CCNY: variants seen among roughly 807,000 people sequenced by gnomAD.
The protein encoded by CCNY is cyclin Y.
In CCNY, 19 loss-of-function variants were observed where a neutral mutation model predicts 42.8. That is an observed-to-expected ratio of 0.44 (90% confidence interval 0.31 to 0.65). CCNY has a LOEUF of 0.65. Ranked by LOEUF, CCNY falls within the 30% of genes least tolerant of loss-of-function variation. The probability of loss-of-function intolerance (pLI) is 0.07; values close to 1 mark genes in which losing one functional copy is unlikely to be tolerated. For missense variants in CCNY, 370 were observed against 437.3 expected, an observed-to-expected ratio of 0.85 and a Z score of 1.37; for synonymous variants, 165 against 162.7, an observed-to-expected ratio of 1.01 and a Z score of -0.11.
At chr10:35,369,279 C>G (rs976329873) in intron 1 of CCNY, among the ~76,000 whole-genome samples, 1 of 152,220 alleles carries the variant, frequency 6.6e-6, no homozygotes, top group African/African-American at 2.4e-5. Flanking sequence ...TGAGGTCCCA[C>G]TTGTGACCTT....
intron 3 of CCNY, among the ~76,000 whole-genome samples, chr10:35,279,569 G>A (rs962853905): frequency 9.2e-5 from 14 of 152,318 alleles, no homozygotes; most frequent in African/African-American, 2.9e-4. Flanking sequence ...TCCAAGTAGA[G>A]AAAAGCAAGA....
chr10:35,561,947 T>G (rs1841474688), intron 8 of CCNY, among the ~76,000 whole-genome samples: 1 of 152,306 alleles, frequency 6.6e-6, no homozygotes, highest in South Asian at 2.1e-4. Context: ...TGTGGGAAGA[T>G]GGGGCCAAGG....
intron 1 of CCNY, among the ~76,000 whole-genome samples, chr10:35,369,448 C>G (rs2076182400): frequency 6.6e-6 from 1 of 152,198 alleles, no homozygotes; most frequent in African/African-American, 2.4e-5. Context: ...TTTGTAATCC[C>G]TGAGAACTTG....
chr10:35,450,074 C>G (rs989500056), intron 1 of CCNY, among the ~76,000 whole-genome samples: 3 of 151,910 alleles, frequency 2.0e-5, no homozygotes, highest in Non-Finnish European at 4.4e-5. Flanking sequence ...CGTGAGAGCA[C>G]CAGGGAGCCA....
chr10:35,553,061 T>G lies in CCNY; in HGVS notation c.622T>G (p.Cys208Gly). The G allele has an allele frequency of 6.2e-7, 1 of 1,614,216 alleles. No homozygotes were observed. The highest frequency in any genetic ancestry group is 1.3e-5 in the African/African-American group (1 of 75,056). ...TTTAACATACGCAGAGATAGATATC[T>G]GTCCGGCCAACTGGAAGCGGATTGT... The part of the protein sequence containing the change: ...RLLTYAEIDI[C>G]PANWKRIVLG... Residue 208 changes from cysteine (C) to glycine (G), a missense_variant, in exon 8 of 10, where the codon TGT (cysteine) becomes GGT (glycine). Physicochemically the swap from Cys to Gly is radical, Grantham distance 159 (BLOSUM62 -3). Transcript: ENST00000374704.
chr10:35,472,109 A>G (rs1589142692), intron 1 of CCNY, among the ~76,000 whole-genome samples: 2 of 152,310 alleles, frequency 1.3e-5, no homozygotes, highest in South Asian at 4.1e-4. Flanking sequence ...AATGTTTTTA[A>G]TACCCATTAT....
intron 1 of CCNY, among the ~76,000 whole-genome samples, chr10:35,421,066 A>G (rs919462102): frequency 3.9e-5 from 6 of 152,194 alleles, no homozygotes; most frequent in South Asian, 2.1e-4. Flanking sequence ...GTGTGCACCT[A>G]TGCCAGTGCC....
intron 3 of CCNY, among the ~76,000 whole-genome samples, chr10:35,310,047 G>A (rs1238379445): frequency 1.1e-4 from 16 of 152,046 alleles, no homozygotes; most frequent in African/African-American, 2.4e-4. Context: ...TGATCCGCCC[G>A]CCTCAGCCTC....
At chr10:35,422,621 TAGTC>T (rs1203613111) in intron 1 of CCNY, among the ~76,000 whole-genome samples, 5 of 152,274 alleles carry the variant, frequency 3.3e-5, no homozygotes, top group African/African-American at 4.8e-5. Flanking sequence ...TGTTTACATT[TAGTC>T]AGTTAATTCT....
intron 3 of CCNY, among the ~76,000 whole-genome samples, chr10:35,319,850 T>C (rs1208639633): frequency 1.3e-5 from 2 of 152,032 alleles, no homozygotes; most frequent in Admixed American, 6.6e-5. Context: ...CTTGGGAGGT[T>C]GAGGCAGGAG....
chr10:35,462,395 T>C (rs1455662364), intron 1 of CCNY, among the ~76,000 whole-genome samples: 4 of 152,212 alleles, frequency 2.6e-5, no homozygotes, highest in African/African-American at 9.6e-5. Flanking sequence ...ACTTAGCATC[T>C]CTGCATCTTC....
intron 3 of CCNY, among the ~76,000 whole-genome samples, chr10:35,294,854 G>A (rs1402551473): frequency 6.6e-6 from 1 of 152,226 alleles, no homozygotes; most frequent in African/African-American, 2.4e-5. Context: ...GAATTCACAA[G>A]TGAAGTTACC....
intron 2 of CCNY, among the ~76,000 whole-genome samples, chr10:35,250,343 C>T (rs2095711026): frequency 6.6e-6 from 1 of 151,938 alleles, no homozygotes; most frequent in Non-Finnish European, 1.5e-5. Flanking sequence ...CCAGCCTGGG[C>T]AATAGAATGA....
At chr10:35,294,692 A>T (rs745727063) in intron 3 of CCNY, among the ~76,000 whole-genome samples, 7 of 152,108 alleles carry the variant, frequency 4.6e-5, no homozygotes, top group Non-Finnish European at 1.0e-4. Context: ...TTACATCTAT[A>T]CTCCACAGAT....
intron 1 of CCNY, among the ~76,000 whole-genome samples, chr10:35,464,462 C>T (rs1298179725): frequency 6.6e-6 from 1 of 152,100 alleles, no homozygotes; most frequent in African/African-American, 2.4e-5. Flanking sequence ...TCCACTCCTT[C>T]AGTAACTCCC....
intron 2 of CCNY, among the ~76,000 whole-genome samples, chr10:35,484,052 C>CT (rs1039448553): frequency 6.6e-6 from 1 of 152,074 alleles, no homozygotes; most frequent in African/African-American, 2.4e-5. Flanking sequence ...AGTTTTCTCT[C>CT]TTTTCAGCCC....
chr10:35,250,439 A>G (rs1304949120), intron 2 of CCNY: 1 of 152,216 alleles, frequency 6.6e-6, no homozygotes, highest in African/African-American at 2.4e-5. Flanking sequence ...CATTTTTCTC[A>G]AAATATGGTG....
chr10:35,463,510 G>T (rs1011980866), intron 1 of CCNY, among the ~76,000 whole-genome samples: 1 of 152,184 alleles, frequency 6.6e-6, no homozygotes, highest in Non-Finnish European at 1.5e-5. Flanking sequence ...GCATAAGCTC[G>T]TGGAAGGTAA....
chr10:35,420,672 CAG>C (rs1423101686), intron 1 of CCNY, among the ~76,000 whole-genome samples: 1 of 152,186 alleles, frequency 6.6e-6, no homozygotes. Context: ...AAAACAAAAT[CAG>C]ACTCTCACCT....
Sources: gnomAD v4.1 joint callset for allele counts (sites outside exome capture counted in the v4.1 genomes callset) on GRCh38, gnomAD v4.1.1 for gene constraint, MANE v1.5 for transcripts, NCBI Gene and HGNC (gene_info 2026-07-23, HGNC 2026-07-21) for gene names.